NCKAP5: variants seen among roughly 807,000 people sequenced by gnomAD.
The protein encoded by NCKAP5 is nck-associated protein 5.
Under a neutral mutation model 167.0 loss-of-function variants are expected in NCKAP5, and 92 were observed. That is an observed-to-expected ratio of 0.55 (90% CI 0.47 to 0.66). The LOEUF is 0.66. Among genes scored for constraint, NCKAP5 ranks in the 30% least tolerant of loss-of-function variants. The pLI, the probability that NCKAP5 is intolerant of heterozygous loss-of-function variation, is 0.00. For synonymous variants in NCKAP5, 891 were observed against 877.4 expected (o/e 1.02, Z -0.27); for missense variants, 2,378 against 2,315.0 (o/e 1.03, Z -0.56).
intron 6 of NCKAP5, among the ~76,000 whole-genome samples, chr2:133,110,512 T>A (rs2081871949): frequency 6.6e-6 from 1 of 152,130 alleles, no homozygotes; most frequent in Non-Finnish European, 1.5e-5. Context: ...AGGAGGGAAG[T>A]ATTTCGGCAT....
In NCKAP5 at chr2:133,200,572, G is replaced by A. The variant is rs114709110; in HGVS notation, c.207+13144C>T. 3.6e-3 allele frequency among the ~76,000 whole-genome samples: 545 copies of A among 152,208 alleles called. 4 individuals are homozygous for A. The highest frequency in any genetic ancestry group is 0.012 in the African/African-American group (508 of 41,536). ...CTGGGTTAGTTAAAGCCTTCTTAGA[G>A]ATTATACCAGAAGTAAAAGCAACAA... On this transcript the variant is annotated intron_variant, in intron 5 of 19. Transcript: ENST00000409261.
chr2:133,326,508 C>CACA (rs1467042654), intron 3 of NCKAP5, among the ~76,000 whole-genome samples: 2 of 150,362 alleles, frequency 1.3e-5, no homozygotes, highest in Non-Finnish European at 3.0e-5. Flanking sequence ...CAAAGCTGGT[C>CACA]ACAGAGCTGG....
At chr2:133,055,472 GTATATATA>G (rs5834343) in intron 6 of NCKAP5, among the ~76,000 whole-genome samples, 4 of 148,018 alleles carry the variant, frequency 2.7e-5, no homozygotes, top group East Asian at 2.0e-4. Flanking sequence ...TAGATAAACT[GTATATATA>G]TATATATATA....
chr2:133,612,752 C>T, the NCKAP5 span, among the ~76,000 whole-genome samples: 12 of 152,138 alleles, frequency 7.9e-5, no homozygotes, highest in African/African-American at 2.9e-4. Context: ...TAGTGTGGCA[C>T]TGAGGAAGAA....
intron 16 of NCKAP5, among the ~76,000 whole-genome samples, chr2:132,742,499 T>C (rs190562785): frequency 9.5e-4 from 145 of 152,090 alleles, no homozygotes; most frequent in Admixed American, 4.3e-3. Context: ...CCCTATTCAT[T>C]ATTGCTCTAA....
At chr2:133,124,114 A>C (rs2149772491) in intron 6 of NCKAP5, among the ~76,000 whole-genome samples, 1 of 152,362 alleles carries the variant, frequency 6.6e-6, no homozygotes, top group South Asian at 2.1e-4. Flanking sequence ...CATTACAGTA[A>C]GTAAAGAAAT....
intron 11 of NCKAP5, among the ~76,000 whole-genome samples, chr2:132,820,026 C>T (rs1686586409): frequency 6.6e-6 from 1 of 152,084 alleles, no homozygotes; most frequent in African/African-American, 2.4e-5. Context: ...TATTCTCTTC[C>T]CTTCCTTCAT....
chr2:132,688,949 G>A (rs1337564308), intron 19 of NCKAP5, among the ~76,000 whole-genome samples: 1 of 123,608 alleles, frequency 8.1e-6, no homozygotes, highest in Non-Finnish European at 1.6e-5. Context: ...TGGCACCACT[G>A]TACTCTAGCC....
At chr2:133,510,291 C>T (rs1345122819) in intron 3 of NCKAP5, among the ~76,000 whole-genome samples, 1 of 152,140 alleles carries the variant, frequency 6.6e-6, no homozygotes, top group Non-Finnish European at 1.5e-5. Flanking sequence ...CTACTCTTCT[C>T]CCATTCTAGT....
chr2:133,605,573 T>G, the NCKAP5 span, among the ~76,000 whole-genome samples: 13 of 152,222 alleles, frequency 8.5e-5, no homozygotes, highest in Non-Finnish European at 1.8e-4. Context: ...CCACAGTCCC[T>G]GAATTAGTCA....
intron 9 of NCKAP5, among the ~76,000 whole-genome samples, chr2:132,870,224 C>A (rs1411515320): frequency 1.3e-5 from 2 of 152,106 alleles, no homozygotes; most frequent in East Asian, 3.9e-4. Context: ...ATTTCTTTTT[C>A]ATCTGCATAT....
At chr2:132,704,396 A>G (rs1172525668) in intron 19 of NCKAP5, among the ~76,000 whole-genome samples, 3 of 152,136 alleles carry the variant, frequency 2.0e-5, no homozygotes, top group South Asian at 4.1e-4. Context: ...GCCACATACT[A>G]TCAGACTCTC....
At chr2:133,169,000 C>T (rs1379111959) in intron 5 of NCKAP5, among the ~76,000 whole-genome samples, 2 of 152,240 alleles carry the variant, frequency 1.3e-5, no homozygotes, top group Non-Finnish European at 2.9e-5. Context: ...ACATGCTAGT[C>T]GTTCTCCATC....
intron 8 of NCKAP5, among the ~76,000 whole-genome samples, chr2:132,905,856 T>C (rs1336812332): frequency 6.6e-6 from 1 of 152,182 alleles, no homozygotes; most frequent in Non-Finnish European, 1.5e-5. Flanking sequence ...TAGTATATAC[T>C]ATGCCACTTG....
chr2:132,850,498 A>G (rs1285987969), intron 11 of NCKAP5, among the ~76,000 whole-genome samples: 2 of 151,964 alleles, frequency 1.3e-5, no homozygotes, highest in East Asian at 3.9e-4. Context: ...CCCTGTTTGT[A>G]AAACAGCACT....
the NCKAP5 span, among the ~76,000 whole-genome samples, chr2:133,622,454 A>C: frequency 6.6e-6 from 1 of 152,174 alleles, no homozygotes; most frequent in South Asian, 2.1e-4. Context: ...ACACAAAATT[A>C]ATGCACATGA....
intron 5 of NCKAP5, among the ~76,000 whole-genome samples, chr2:133,192,555 GA>G (rs1023180921): frequency 1.1e-4 from 16 of 149,414 alleles, no homozygotes; most frequent in South Asian, 2.1e-4. Context: ...AAGCTCGAAA[GA>G]AAAAAAAATA....
intron 4 of NCKAP5, among the ~76,000 whole-genome samples, chr2:133,284,103 G>T (rs779738796): frequency 3.9e-5 from 6 of 151,960 alleles, no homozygotes; most frequent in Non-Finnish European, 8.8e-5. Flanking sequence ...TACTCTTGTG[G>T]TTGCTCTGTG....
intron 6 of NCKAP5, among the ~76,000 whole-genome samples, chr2:133,086,610 C>A (rs2149613486): frequency 6.6e-6 from 1 of 152,090 alleles, no homozygotes; most frequent in East Asian, 1.9e-4. Context: ...CCACTGCACT[C>A]CAGCCTGAGT....
Sources: allele counts gnomAD v4.1 joint callset (sites outside exome capture counted in the v4.1 genomes callset), GRCh38; gene constraint gnomAD v4.1.1; transcripts MANE v1.5; gene names NCBI Gene and HGNC (gene_info 2026-07-23, HGNC 2026-07-21).